Variants in SLC5A9 observed in about 807,000 individuals in gnomAD.
SLC5A9 encodes the protein solute carrier family 5 member 9, also known as sodium/glucose cotransporter 4.
A neutral mutation model predicts 70.9 loss-of-function variants in SLC5A9; 59 were observed. That is an observed-to-expected ratio of 0.83 (90% CI 0.68 to 1.03). The LOEUF (loss-of-function observed/expected upper bound fraction) is 1.03, where lower values mean the gene tolerates loss of function less well. Ranked by LOEUF, SLC5A9 falls within the 50% of genes least tolerant of loss-of-function variation. The probability of loss-of-function intolerance (pLI) is 0.00; values close to 1 mark genes in which losing one functional copy is unlikely to be tolerated. For missense variants in SLC5A9, 832 were observed against 881.1 expected, an observed-to-expected ratio of 0.94 and a Z score of 0.71; for synonymous variants, 340 against 346.5, an observed-to-expected ratio of 0.98 and a Z score of 0.21.
intron 12 of SLC5A9, chr1:48,241,252 C>T (rs2148586186): frequency 6.6e-6 from 1 of 152,466 alleles, no homozygotes; most frequent in African/African-American, 2.4e-5. Flanking sequence ...ACCCCTCTCC[C>T]AAGATTCAAA....
chr1:48,233,812 C>T, intron 9 of SLC5A9, 50 bp downstream of exon 9: 1 of 1,327,040 alleles, frequency 7.5e-7, no homozygotes, highest in Non-Finnish European at 1.1e-6. Context: ...CCAGCCTCCT[C>T]CAATCTCCAC....
rs537729685 is a variant in SLC5A9, at chr1:48,247,791, A to C, written c.*248A>C. 1.1e-4 allele frequency: 61 copies of C among 558,310 alleles called. No homozygotes were observed. Among genetic ancestry groups the C allele is most frequent in the Admixed American group, 2.7e-4 (9 of 32,928 alleles). The allele number at this position is 558,310 out of a possible 1,614,324, so 34.6% of individuals were successfully genotyped here. A position where few individuals can be genotyped will look rare whatever the true frequency, so the allele number is the denominator to read the frequency against. ...ACACGGGGTTTCCCCACTCTTTCTG[A>C]TATATTGCCTTACAGACCTACCTCA... On this transcript the variant is annotated 3_prime_UTR_variant, in exon 14 of 14. Transcript: ENST00000438567.
intron 1 of SLC5A9, 152 bp downstream of exon 1, chr1:48,223,050 T>C: frequency 1.2e-6 from 1 of 813,574 alleles, no homozygotes; most frequent in Non-Finnish European, 1.9e-6. Flanking sequence ...ATCAGGCTCC[T>C]GATCTCCTCA....
At chr1:48,229,626 A>G in intron 4 of SLC5A9, 167 bp downstream of exon 4, 3 of 1,032,506 alleles carry the variant, frequency 2.9e-6, no homozygotes, top group Non-Finnish European at 4.1e-6. Context: ...GCACTGGGGT[A>G]CTCAGAGATG....
rs752056803 is a variant in SLC5A9, at chr1:48,242,466, C to T, written c.1687C>T (p.Leu563Phe). The part of the protein sequence containing the change: ...TPIPEEQLTR[L>F]TWWTRNCPLS... ...TCTTCTTTCCCTCCAGCTCACACGC[C>T]TCACATGGTGGACTCGGAACTGCCC... is the stretch of plus-strand genomic sequence containing the variant. Residue 563 changes from leucine to phenylalanine, a missense_variant, in exon 13 of 14, where the codon CTC becomes TTC. Transcript: ENST00000438567. 6.2e-7 allele frequency: 1 copy of T among 1,606,016 alleles called. No homozygotes were observed. Among genetic ancestry groups the T allele is most frequent in the East Asian group, 2.2e-5 (1 of 44,670 alleles).
intron 12 of SLC5A9, chr1:48,241,913 C>T (rs1354748969): frequency 2.2e-6 from 1 of 456,096 alleles, no homozygotes; most frequent in Non-Finnish European, 4.4e-6. Context: ...TCATGGTGTC[C>T]TGATTTCACC....
At chr1:48,232,645 G>A (rs1259629791) in intron 8 of SLC5A9, 143 bp downstream of exon 8, 1 of 1,113,222 alleles carries the variant, frequency 9.0e-7, no homozygotes, top group Admixed American at 2.4e-5. Flanking sequence ...GCCGGTCATG[G>A]TGGCATGCAC....
In SLC5A9 at chr1:48,232,465, C is replaced by A. The variant is rs767603320; in HGVS notation, c.996C>A (p.Ile332=). Residue 332 remains isoleucine, a synonymous_variant, in exon 8 of 14, where the codon ATC becomes ATA. Coordinates refer to ENST00000438567, the MANE Select transcript of SLC5A9 (RefSeq NM_001011547.3). ...GYLKILPMFF[I]VMPGMISRAL... Reference sequence around the variant, plus strand: ...TGAAGATCCTCCCCATGTTCTTCATCGTCATGCCTGGCATGATCAGCCGGG... The same window carrying A: ...TGAAGATCCTCCCCATGTTCTTCATAGTCATGCCTGGCATGATCAGCCGGG... 6.2e-7 allele frequency: 1 copy of A among 1,614,184 alleles called. No homozygotes were observed. The highest frequency in any genetic ancestry group is 1.7e-5 in the Admixed American group (1 of 60,030).
rs756117312 is a variant in SLC5A9, at chr1:48,244,878, G to GTATATATATATATATATA, written c.1837+2277_1837+2294dup. On this transcript the variant is annotated intron_variant, in intron 13 of 13. Coordinates refer to ENST00000438567, the MANE Select transcript of SLC5A9 (RefSeq NM_001011547.3). Reference sequence around the variant, plus strand: ...TGTGTGTGTGTATGTATGTGTATGTGTATATATATATATATATATATATAT... The same window carrying GTATATATATATATATATA: ...TGTGTGTGTGTATGTATGTGTATGTGTATATATATATATATATATATATATATATATATATATATATAT... 3.5e-3 allele frequency among the ~76,000 whole-genome samples: 103 copies of GTATATATATATATATATA among 29,396 alleles called. 21 individuals are homozygous for GTATATATATATATATATA. The highest frequency in any genetic ancestry group is 7.9e-3 in the South Asian group (5 of 634). 19.3% of individuals were successfully genotyped at this position (29,396 alleles called of 152,430 possible). A position where few individuals can be genotyped will look rare whatever the true frequency, so the allele number is the denominator to read the frequency against.
chr1:48,232,991 A>C (rs4926720), intron 8 of SLC5A9, among the ~76,000 whole-genome samples: 5,995 of 132,768 alleles, frequency 0.045, 345 homozygotes, highest in East Asian at 0.19. Context: ...GAAGGAAGGA[A>C]GGGGAAGGAA....
At chr1:48,228,586 C>T in intron 2 of SLC5A9, 5 of 466,134 alleles carry the variant, frequency 1.1e-5, no homozygotes, top group Non-Finnish European at 3.7e-6. Context: ...CCCACTTTCC[C>T]TTTTTTCCCA....
chr1:48,223,920 G>A (rs212987), intron 1 of SLC5A9, among the ~76,000 whole-genome samples: 149,269 of 152,322 alleles, frequency 0.98, 73,146 homozygotes, highest in East Asian at 1. Flanking sequence ...TGTTTTGCTC[G>A]TATGGCCTCC....
At chr1:48,230,480 T>C (rs1644232175) in intron 4 of SLC5A9, 120 bp from the exon 5 acceptor site, 1 of 687,262 alleles carries the variant, frequency 1.5e-6, no homozygotes, top group Non-Finnish European at 2.6e-6. Context: ...TTAAAGCTCA[T>C]TTTCATCATG....
At chr1:48,242,845 TTATATC>T (rs1644408577) in intron 13 of SLC5A9, among the ~76,000 whole-genome samples, 1 of 152,136 alleles carries the variant, frequency 6.6e-6, no homozygotes, top group African/African-American at 2.4e-5. Flanking sequence ...AAGAGTTGGT[TTATATC>T]TATAGGGAGA....
In SLC5A9 at chr1:48,224,718, T is replaced by C; in HGVS notation, c.163-6T>C. 6.2e-7 allele frequency: 1 copy of C among 1,614,036 alleles called. No homozygotes were observed. Among genetic ancestry groups the C allele is most frequent in the Non-Finnish European group, 8.5e-7 (1 of 1,179,930 alleles). On this transcript the variant is annotated splice_polypyrimidine_tract_variant and splice_region_variant and intron_variant, in intron 1 of 13. Transcript: ENST00000438567. Reference sequence around the variant, plus strand: ...GAAATCCTCATCTCATCTATTTCCTTTCCAGTCGTCCATCCGTGCAAGTCG... The same window carrying C: ...GAAATCCTCATCTCATCTATTTCCTCTCCAGTCGTCCATCCGTGCAAGTCG...
intron 13 of SLC5A9, among the ~76,000 whole-genome samples, chr1:48,244,835 A>AATTATATTTATATTATATATAT (rs1399291191): frequency 5.5e-5 from 1 of 18,110 alleles, no homozygotes; most frequent in African/African-American, 1.4e-4. Context: ...TATATATATA[A>AATTATATTTATATTATATATAT]ATTATATATA....
At chr1:48,225,628 C>T (rs1644133396) in intron 2 of SLC5A9, among the ~76,000 whole-genome samples, 1 of 152,106 alleles carries the variant, frequency 6.6e-6, no homozygotes, top group Non-Finnish European at 1.5e-5. Context: ...TACCCACTCC[C>T]ACATGCACAC....
chr1:48,244,964 C>G lies in SLC5A9; in HGVS notation c.1837+2348C>G, dbSNP rs1160410339. On this transcript the variant is annotated intron_variant, in intron 13 of 13. Transcript: ENST00000438567. ...GAATCAAAAGACAGAATATTTGGAA[C>G]AGCTTAGAAAATGATAAAGCCTAGT... is the stretch of plus-strand genomic sequence containing the variant. 8.5e-5 allele frequency among the ~76,000 whole-genome samples: 11 copies of G among 129,538 alleles called. No homozygotes were observed. The Admixed American group carries it at 9.9e-4, about 12-fold the overall frequency. The allele number at this position is 129,538 out of a possible 152,430, so 85.0% of individuals were successfully genotyped here. A position where few individuals can be genotyped will look rare whatever the true frequency, so the allele number is the denominator to read the frequency against.
intron 13 of SLC5A9, 67 bp downstream of exon 13, chr1:48,242,683 C>A (rs532849439): frequency 2.1e-6 from 3 of 1,436,160 alleles, no homozygotes; most frequent in Non-Finnish European, 2.8e-6. Context: ...ATGTCATGGG[C>A]GGTCTTTGGG....
Sources: allele counts gnomAD v4.1 joint callset (sites outside exome capture counted in the v4.1 genomes callset), GRCh38; gene constraint gnomAD v4.1.1; transcripts MANE v1.5; gene names NCBI Gene and HGNC (gene_info 2026-07-23, HGNC 2026-07-21).